OR51I2: variants seen among roughly 807,000 people sequenced by gnomAD.
OR51I2 encodes olfactory receptor family 51 subfamily I member 2.
In OR51I2, 6 loss-of-function variants were observed where a neutral mutation model predicts 9.3. That is an observed-to-expected ratio of 0.64 (90% CI 0.35 to 1.27). The LOEUF is 1.27. OR51I2 is among the 50% of genes most tolerant of loss of function. The probability of loss-of-function intolerance (pLI) is 0.03; values close to 1 mark genes in which losing one functional copy is unlikely to be tolerated. For missense variants in OR51I2, 489 were observed against 396.4 expected (o/e 1.23, Z -1.98); for synonymous variants, 179 against 143.1 (o/e 1.25, Z -1.79).
rs567936429 is a variant in OR51I2, at chr11:5,451,544, G to A, written c.-230-1715G>A. Among the ~76,000 whole-genome samples the A allele has an allele frequency of 2.1e-4, 32 of 152,300 alleles. No homozygotes were observed. In the South Asian group the frequency reaches 4.4e-3, roughly 21 times the overall value. The stretch of plus-strand genomic sequence containing the variant: ...AGAAGGGACATATTCAGTACAACAC[G>A]GAGGGACAGCCACTGCCTTGCTGGA... On this transcript the variant is annotated intron_variant, in intron 1 of 1. Transcript: ENST00000641930.
chr11:5,454,142 T>C lies in OR51I2; in HGVS notation c.654T>C (p.Tyr218=), dbSNP rs1353990820. The C allele has an allele frequency of 1.9e-6, 3 of 1,614,202 alleles. No homozygotes were observed. Residue 218 remains tyrosine, a synonymous_variant, in exon 2 of 2, where the codon TAT becomes TAC. Transcript: ENST00000641930. ...ACCTGTTTTTTATCTTCCTCTCCTA[T>C]GTGCTCATTCTGCGTTCTGTCATGG... ...GMDLFFIFLS[Y]VLILRSVMAT...
chr11:5,453,760 A>T lies in OR51I2; in HGVS notation c.272A>T (p.Asn91Ile). Residue 91 changes from asparagine (N) to isoleucine (I), a missense_variant, in exon 2 of 2, where the codon AAC becomes ATC. Physicochemically the swap from Asn to Ile is moderately radical, Grantham distance 149. Coordinates refer to ENST00000641930, the MANE Select transcript of OR51I2 (RefSeq NM_001004754.3). ...VLRTFCLNAR[N>I]ITFDACLIQM... Reference sequence around the variant, plus strand: ...CGAACCTTCTGCCTCAATGCCCGCAACATCACTTTTGATGCCTGTCTAATT... The same window carrying T: ...CGAACCTTCTGCCTCAATGCCCGCATCATCACTTTTGATGCCTGTCTAATT... 1 of 1,614,190 alleles carries T rather than the reference A, an allele frequency of 6.2e-7. No homozygotes were observed.
rs191883423 is a variant in OR51I2, at chr11:5,452,567, A to G, written c.-230-692A>G. On this transcript the variant is annotated intron_variant, in intron 1 of 1. Transcript: ENST00000641930. Reference sequence around the variant, plus strand: ...AAATCAACAGGGACTGTTTGAATATATTTGCACAACAAGAGCGACTTTACG... The same window carrying G: ...AAATCAACAGGGACTGTTTGAATATGTTTGCACAACAAGAGCGACTTTACG... 4.1e-5 allele frequency among the ~76,000 whole-genome samples: 6 copies of G among 145,616 alleles called. No homozygotes were observed. In the East Asian group the frequency reaches 1.3e-3, roughly 31 times the overall value.
At chr11:5,450,220 C>A (rs1850823658) in intron 1 of OR51I2, among the ~76,000 whole-genome samples, 1 of 151,654 alleles carries the variant, frequency 6.6e-6, no homozygotes, top group Non-Finnish European at 1.5e-5. Flanking sequence ...GAAACCCTGT[C>A]TCTATTAAAA....
rs1221482292 is a variant in OR51I2, at chr11:5,455,666, T to C, written c.*1239T>C. ...CTAGGTAGTCTAACTTAACTCACCA[T>C]GGAAACTCATCCAGAAACCACGTAG... On this transcript the variant is annotated 3_prime_UTR_variant, in exon 2 of 2. Coordinates refer to ENST00000641930, the MANE Select transcript of OR51I2 (RefSeq NM_001004754.3). 1 of 151,430 alleles carries C rather than the reference T, an allele frequency of 6.6e-6. No homozygotes were observed. The highest frequency in any genetic ancestry group is 6.6e-5 in the Admixed American group (1 of 15,246). 9.4% of individuals were successfully genotyped at this position (151,430 alleles called of 1,614,324 possible). A position where few individuals can be genotyped will look rare whatever the true frequency, so the allele number is the denominator to read the frequency against.
rs1455387784 is a variant in OR51I2 at position 5,455,854 on chromosome 11, T to C, written c.*1427T>C. ...GTCTACAGGTACAATAAGACACCAATAATATATGTGTCCTGGCCCACTAAA... is the reference window on the plus strand; with the variant it reads ...GTCTACAGGTACAATAAGACACCAACAATATATGTGTCCTGGCCCACTAAA... On this transcript the variant is annotated 3_prime_UTR_variant, in exon 2 of 2. Coordinates refer to ENST00000641930, the MANE Select transcript of OR51I2 (RefSeq NM_001004754.3). The C allele has an allele frequency of 6.6e-6, 1 of 152,070 alleles. No homozygotes were observed. Among genetic ancestry groups the C allele is most frequent in the Non-Finnish European group, 1.5e-5 (1 of 68,000 alleles). 9.4% of individuals were successfully genotyped at this position (152,070 alleles called of 1,614,324 possible).
chr11:5,450,163 C>T (rs903857830), intron 1 of OR51I2, among the ~76,000 whole-genome samples: 13 of 151,982 alleles, frequency 8.6e-5, no homozygotes, highest in South Asian at 6.2e-4. Flanking sequence ...CTGAGGTGGT[C>T]AGATCACCTG....
Position 5,453,487 on chromosome 11 carries a change from C to T in OR51I2, c.-2C>T, listed in dbSNP as rs751864277. The T allele has an allele frequency of 1.3e-6, 2 of 1,531,416 alleles. No homozygotes were observed. The highest frequency in any genetic ancestry group is 1.3e-5 in the South Asian group (1 of 76,670). The allele number at this position is 1,531,416 out of a possible 1,614,324, so 94.9% of individuals were successfully genotyped here. A position where few individuals can be genotyped will look rare whatever the true frequency, so the allele number is the denominator to read the frequency against. ...TGAAAAGTACCCTAAGTTTGTTTTG[C>T]TATGGGGTTGTTCAATGTCACTCAC... On this transcript the variant is annotated 5_prime_UTR_variant, in exon 2 of 2. Transcript: ENST00000641930.
chr11:5,450,075 A>G (rs1850820572), intron 1 of OR51I2, among the ~76,000 whole-genome samples: 1 of 152,128 alleles, frequency 6.6e-6, no homozygotes, highest in African/African-American at 2.4e-5. Flanking sequence ...GCCATAAAGG[A>G]TCTCAGAGAA....
At chr11:5,452,504 C>CAAAAAAAAAAAAAA (rs56677841) in intron 1 of OR51I2, among the ~76,000 whole-genome samples, 7 of 69,214 alleles carry the variant, frequency 1.0e-4, no homozygotes, top group Non-Finnish European at 1.6e-4. Context: ...GACTCTGTCT[C>CAAAAAAAAAAAAAA]AAAAAAAAAA....
intron 1 of OR51I2, among the ~76,000 whole-genome samples, chr11:5,450,243 G>C (rs1301990537): frequency 6.6e-6 from 1 of 151,580 alleles, no homozygotes; most frequent in Admixed American, 6.6e-5. Flanking sequence ...ACAAAAATTA[G>C]CCAGGCGTGG....
chr11:5,451,046 T>A (rs559531821), intron 1 of OR51I2, among the ~76,000 whole-genome samples: 1 of 152,246 alleles, frequency 6.6e-6, no homozygotes, highest in Non-Finnish European at 1.5e-5. Flanking sequence ...TCAGTGTCCA[T>A]ATCTGTTAAG....
Position 5,455,880 on chromosome 11 carries a change from T to C in OR51I2, c.*1453T>C, listed in dbSNP as rs1590006466. On this transcript the variant is annotated 3_prime_UTR_variant, in exon 2 of 2. Coordinates refer to ENST00000641930, the MANE Select transcript of OR51I2 (RefSeq NM_001004754.3). The stretch of plus-strand genomic sequence containing the variant: ...AATATATGTGTCCTGGCCCACTAAA[T>C]AGATTGCTTTTAGAAGAATGTTTGG... 2 of 152,282 alleles carry C rather than the reference T, an allele frequency of 1.3e-5. No homozygotes were observed. Among genetic ancestry groups the C allele is most frequent in the Middle Eastern group, 6.8e-3 (2 of 294 alleles). The allele number at this position is 152,282 out of a possible 1,614,324, so 9.4% of individuals were successfully genotyped here. A position where few individuals can be genotyped will look rare whatever the true frequency, so the allele number is the denominator to read the frequency against.
chr11:5,456,091 G>A lies in OR51I2; in HGVS notation c.*1664G>A, dbSNP rs2133790044. 6.6e-6 allele frequency: 1 copy of A among 152,210 alleles called. No homozygotes were observed. The highest frequency in any genetic ancestry group is 1.5e-5 in the Non-Finnish European group (1 of 68,006). 9.4% of individuals were successfully genotyped at this position (152,210 alleles called of 1,614,324 possible). ...AAATATATACAACAAATACATAAAT[G>A]CAAAGGCAAGGCTTAGGGAAGCCGC... On this transcript the variant is annotated 3_prime_UTR_variant, in exon 2 of 2. Transcript: ENST00000641930.
At position 5,455,977 on chromosome 11, in the gene OR51I2, T is replaced by A. The variant is rs1322746353; in HGVS notation, c.*1550T>A. ...TAGTGGTTTAAAGTATGGTCTTCAG[T>A]CAATTTAAATAATAACTTTTCTGAT... On this transcript the variant is annotated 3_prime_UTR_variant, in exon 2 of 2. Coordinates refer to ENST00000641930, the MANE Select transcript of OR51I2 (RefSeq NM_001004754.3). 6.6e-6 allele frequency: 1 copy of A among 152,218 alleles called. No homozygotes were observed. The highest frequency in any genetic ancestry group is 1.5e-5 in the Non-Finnish European group (1 of 68,046). The allele number at this position is 152,218 out of a possible 1,614,324, so 9.4% of individuals were successfully genotyped here. A position where few individuals can be genotyped will look rare whatever the true frequency, so the allele number is the denominator to read the frequency against.
intron 1 of OR51I2, among the ~76,000 whole-genome samples, chr11:5,450,433 T>C (rs956617296): frequency 1.3e-5 from 2 of 152,066 alleles, no homozygotes; most frequent in African/African-American, 4.8e-5. Context: ...AAATAAGACA[T>C]AGGTCTAAAA....
In OR51I2 at chr11:5,454,155, CGTTCTGTCAT is replaced by C; in HGVS notation, c.669_678del (p.Ser224ProfsTer29). The C allele has an allele frequency of 6.2e-7, 1 of 1,614,166 alleles. No homozygotes were observed. Among genetic ancestry groups the C allele is most frequent in the Admixed American group, 1.7e-5 (1 of 60,020 alleles). ...CTTCCTCTCCTATGTGCTCATTCTG[CGTTCTGTCAT>C]GGCCACTGCTTCCCGTGAGGAACGC... is the stretch of plus-strand genomic sequence containing the variant. On this transcript the variant is annotated frameshift_variant, in exon 2 of 2. Coordinates refer to ENST00000641930, the MANE Select transcript of OR51I2 (RefSeq NM_001004754.3). LOFTEE classifies it high-confidence loss of function.
rs1242786827 is a variant in OR51I2 at position 5,454,993 on chromosome 11, CACT to C, written c.*567_*569del. On this transcript the variant is annotated 3_prime_UTR_variant, in exon 2 of 2. Transcript: ENST00000641930. The stretch of plus-strand genomic sequence containing the variant: ...CCATTGCTGCCTTTGCTTTCCCCAC[CACT>C]GTCATTCTCAAACACTCATACATTG... 4 of 152,470 alleles carry C rather than the reference CACT, an allele frequency of 2.6e-5. No homozygotes were observed. Among genetic ancestry groups the C allele is most frequent in the Non-Finnish European group, 5.9e-5 (4 of 68,280 alleles). 9.4% of individuals were successfully genotyped at this position (152,470 alleles called of 1,614,324 possible). A position where few individuals can be genotyped will look rare whatever the true frequency, so the allele number is the denominator to read the frequency against.
Position 5,454,508 on chromosome 11 carries a change from AAGAT to A in OR51I2, c.*86_*89del, listed in dbSNP as rs1850923116. The stretch of plus-strand genomic sequence containing the variant: ...ATCGTCATCATCATCATCAAAGTAT[AAGAT>A]AGATTGTGTGCTGCGGGAAAAGTAG... On this transcript the variant is annotated 3_prime_UTR_variant, in exon 2 of 2. Coordinates refer to ENST00000641930, the MANE Select transcript of OR51I2 (RefSeq NM_001004754.3). The A allele has an allele frequency of 1.1e-5, 13 of 1,177,308 alleles. No homozygotes were observed. The highest frequency in any genetic ancestry group is 1.4e-5 in the Non-Finnish European group (12 of 829,838). 72.9% of individuals were successfully genotyped at this position (1,177,308 alleles called of 1,614,324 possible). A position where few individuals can be genotyped will look rare whatever the true frequency, so the allele number is the denominator to read the frequency against.
Sources: gnomAD v4.1 joint callset for allele counts (sites outside exome capture counted in the v4.1 genomes callset) on GRCh38, gnomAD v4.1.1 for gene constraint, MANE v1.5 for transcripts, NCBI Gene and HGNC (gene_info 2026-07-23, HGNC 2026-07-21) for gene names.